The following CRIM1 variants were observed in gnomAD, a reference collection of about 807,000 sequenced individuals.
CRIM1 encodes cysteine rich transmembrane BMP regulator 1, also known as cysteine-rich motor neuron 1 protein.
In CRIM1, 32 loss-of-function variants were observed where a neutral mutation model predicts 116.4. The observed-to-expected ratio is 0.27, with a 90% CI of 0.21 to 0.37. CRIM1 has a LOEUF of 0.37. Ranked by LOEUF, CRIM1 falls within the 10% of genes least tolerant of loss-of-function variation. The pLI, the probability that CRIM1 is intolerant of heterozygous loss-of-function variation, is 1.00. For synonymous variants in CRIM1, 590 were observed against 509.2 expected (o/e 1.16, Z -2.13); for missense variants, 1,331 against 1,354.8 (o/e 0.98, Z 0.28).
chr2:36,442,091 T>A (rs1675875485), intron 3 of CRIM1, among the ~76,000 whole-genome samples: 1 of 152,230 alleles, frequency 6.6e-6, no homozygotes, highest in Non-Finnish European at 1.5e-5. Context: ...GTATCCCAGC[T>A]GTTTCTTGCT....
intron 13 of CRIM1, among the ~76,000 whole-genome samples, chr2:36,528,477 G>A (rs1272443987): frequency 6.6e-6 from 1 of 152,182 alleles, no homozygotes; most frequent in Non-Finnish European, 1.5e-5. Flanking sequence ...GAGAAAATAG[G>A]GCTCATTTAT....
At chr2:36,407,719 AAAGG>A (rs1282069359) in intron 2 of CRIM1, among the ~76,000 whole-genome samples, 5 of 151,948 alleles carry the variant, frequency 3.3e-5, no homozygotes, top group African/African-American at 9.7e-5. Flanking sequence ...AAAAAAAAAA[AAAGG>A]AAGTCACGAT....
chr2:36,512,208 G>C (rs1664732844), intron 9 of CRIM1, 65 bp from the exon 10 acceptor site: 2 of 1,577,122 alleles, frequency 1.3e-6, no homozygotes, highest in Non-Finnish European at 1.7e-6. Flanking sequence ...CCCTTGGTCT[G>C]AGTGCTTGGG....
At position 36,547,050 on chromosome 2, in the gene CRIM1, A is replaced by G. The variant is rs1667399788; in HGVS notation, c.2813A>G (p.Asp938Gly). ...CACCCAAGTGAAGATTCTTCACTGGACTCCATTGCCTCAGTTGTGGTTCCC... is the reference window on the plus strand; with the variant it reads ...CACCCAAGTGAAGATTCTTCACTGGGCTCCATTGCCTCAGTTGTGGTTCCC... ...RLHPSEDSSL[D>G]SIASVVVPII... Residue 938 changes from aspartate (D) to glycine (G), a missense_variant, in exon 16 of 17, where the codon GAC (aspartate) becomes GGC (glycine). By Grantham distance (94) the Asp-to-Gly change is moderately conservative. This residue lies in a region of CRIM1 where 283 missense variants were observed against 242.8 expected (regional missense o/e 1.17). Coordinates refer to ENST00000280527, the MANE Select transcript of CRIM1 (RefSeq NM_016441.3). The G allele has an allele frequency of 1.2e-6, 2 of 1,611,592 alleles. No homozygotes were observed. The highest frequency in any genetic ancestry group is 1.7e-6 in the Non-Finnish European group (2 of 1,177,914).
intron 2 of CRIM1, among the ~76,000 whole-genome samples, chr2:36,434,096 T>C (rs1038283229): frequency 1.3e-5 from 2 of 152,218 alleles, no homozygotes; most frequent in African/African-American, 2.4e-5. Context: ...GGAATGTGTA[T>C]GAAAAGAATT....
rs145838573 is a variant in CRIM1, at chr2:36,507,728, G to A, written c.1502-2255G>A. On this transcript the variant is annotated intron_variant, in intron 8 of 16. Transcript: ENST00000280527. ...CATTGCAAAGCAGAGGTAGATTACA[G>A]ACTAGTTTTTATCACATTGTTTAAA... Among the ~76,000 whole-genome samples, 43 of 152,282 alleles carry A rather than the reference G, an allele frequency of 2.8e-4. 1 individual carries two copies. The East Asian group carries it at 8.3e-3, about 29-fold the overall frequency.
At chr2:36,503,907 G>A (rs1681192417) in intron 8 of CRIM1, among the ~76,000 whole-genome samples, 1 of 151,366 alleles carries the variant, frequency 6.6e-6, no homozygotes, top group African/African-American at 2.4e-5. Context: ...GTCTTGCTTT[G>A]TTACCCAGAT....
chr2:36,368,227 C>G (rs952834204), intron 1 of CRIM1, among the ~76,000 whole-genome samples: 1 of 152,198 alleles, frequency 6.6e-6, no homozygotes, highest in Admixed American at 6.5e-5. Context: ...GTTGGTGCCT[C>G]ACGTTGGGAG....
intron 1 of CRIM1, among the ~76,000 whole-genome samples, chr2:36,385,153 C>A (rs546862580): frequency 1.3e-5 from 2 of 151,272 alleles, no homozygotes; most frequent in Non-Finnish European, 2.9e-5. Context: ...TCTTTGTAGA[C>A]CAGTATTAGA....
In CRIM1 at chr2:36,546,883, G is replaced by T. The variant is rs542408936; in HGVS notation, c.2747-101G>T. On this transcript the variant is annotated intron_variant, in intron 15 of 16. Transcript: ENST00000280527. ...ATTTTTAGCCTCAAAAAACTGGGAA[G>T]CAATAAAACCAAGTTGCTGATCTCT... is the stretch of plus-strand genomic sequence containing the variant. The T allele has an allele frequency of 4.8e-6, 3 of 622,676 alleles. No homozygotes were observed. The East Asian group carries it at 9.8e-5, about 20-fold the overall frequency. 38.6% of individuals were successfully genotyped at this position (622,676 alleles called of 1,614,324 possible). A position where few individuals can be genotyped will look rare whatever the true frequency, so the allele number is the denominator to read the frequency against.
intron 4 of CRIM1, among the ~76,000 whole-genome samples, chr2:36,450,136 T>G (rs1055383701): frequency 3.9e-4 from 60 of 152,180 alleles, no homozygotes; most frequent in African/African-American, 1.4e-3. Context: ...AAGGATTTAC[T>G]CTGTTAAACT....
chr2:36,410,648 G>A (rs1309180282), intron 2 of CRIM1, among the ~76,000 whole-genome samples: 1 of 151,840 alleles, frequency 6.6e-6, no homozygotes, highest in Non-Finnish European at 1.5e-5. Context: ...TCTAACAGAA[G>A]GACACTTTAA....
At chr2:36,479,469 C>A in intron 6 of CRIM1, 28 bp from the exon 7 acceptor site, 1 of 1,609,172 alleles carries the variant, frequency 6.2e-7, no homozygotes, top group South Asian at 1.1e-5. Context: ...GATGCTCAGT[C>A]TAACTCTGAA....
chr2:36,515,380 C>T (rs1253459209), intron 11 of CRIM1, among the ~76,000 whole-genome samples: 1 of 152,204 alleles, frequency 6.6e-6, no homozygotes, highest in Non-Finnish European at 1.5e-5. Context: ...GGTGTGTCAA[C>T]ATCTGGATAT....
At chr2:36,499,160 T>G in intron 7 of CRIM1, 59 bp from the exon 8 acceptor site, 1 of 1,342,536 alleles carries the variant, frequency 7.4e-7, no homozygotes, top group Non-Finnish European at 1.1e-6. Flanking sequence ...AAAAATTGAA[T>G]AGCATCTAAA....
At chr2:36,432,416 G>C (rs144343359) in intron 2 of CRIM1, among the ~76,000 whole-genome samples, 1 of 152,118 alleles carries the variant, frequency 6.6e-6, no homozygotes, top group African/African-American at 2.4e-5. Context: ...CTGGGAGTAG[G>C]TTGGATATAT....
intron 1 of CRIM1, among the ~76,000 whole-genome samples, chr2:36,386,585 C>T (rs916654707): frequency 6.6e-6 from 1 of 152,230 alleles, no homozygotes; most frequent in Admixed American, 6.5e-5. Context: ...TGCTCGTCCT[C>T]TCTATCCCTA....
intron 1 of CRIM1, among the ~76,000 whole-genome samples, chr2:36,382,684 G>A (rs1670873939): frequency 6.6e-6 from 1 of 152,242 alleles, no homozygotes; most frequent in Non-Finnish European, 1.5e-5. Context: ...TCCAGGCAGT[G>A]CTGCAGCTGA....
intron 14 of CRIM1, among the ~76,000 whole-genome samples, chr2:36,542,153 G>C (rs1439043785): frequency 6.6e-6 from 1 of 152,150 alleles, no homozygotes; most frequent in East Asian, 1.9e-4. Context: ...ACACAGGACA[G>C]GTTATGAGCT....
Sources: allele counts gnomAD v4.1 joint callset (sites outside exome capture counted in the v4.1 genomes callset), GRCh38; gene constraint gnomAD v4.1.1; regional missense constraint gnomAD v4.1.1; transcripts MANE v1.5; gene names NCBI Gene and HGNC (gene_info 2026-07-23, HGNC 2026-07-21).